The following PPP2R2C variants were observed in gnomAD, a reference collection of about 807,000 sequenced individuals.
PPP2R2C encodes protein phosphatase 2 regulatory subunit Bgamma, also known as protein phosphatase 2, regulatory subunit B, gamma.
In PPP2R2C, 10 loss-of-function variants were observed where a neutral mutation model predicts 45.3. That is an observed-to-expected ratio of 0.22 (90% confidence interval 0.14 to 0.37). The LOEUF (loss-of-function observed/expected upper bound fraction) is 0.37. Among genes scored for constraint, PPP2R2C ranks in the 10% least tolerant of loss-of-function variants. The pLI, the probability that PPP2R2C is intolerant of heterozygous loss-of-function variation, is 1.00. For missense variants in PPP2R2C, 308 were observed against 619.7 expected, an observed-to-expected ratio of 0.50 and a Z score of 5.34; for synonymous variants, 257 against 245.4, an observed-to-expected ratio of 1.05 and a Z score of -0.44.
intron 2 of PPP2R2C, among the ~76,000 whole-genome samples, chr4:6,512,545 ATGGTGGTGATGG>A (rs1723678764): frequency 2.4e-5 from 1 of 41,968 alleles, no homozygotes; most frequent in African/African-American, 1.0e-4. Flanking sequence ...GATGGTGGTG[ATGGTGGTGATGG>A]TGGTGGTGGT....
chr4:6,491,666 G>T (rs1477848361), intron 2 of PPP2R2C, among the ~76,000 whole-genome samples: 3 of 152,182 alleles, frequency 2.0e-5, no homozygotes, highest in African/African-American at 4.8e-5. Context: ...GAAGTGATTG[G>T]ATCATGCGGG....
intron 1 of PPP2R2C, among the ~76,000 whole-genome samples, chr4:6,434,347 C>CT (rs1480797052): frequency 3.3e-5 from 3 of 91,852 alleles, no homozygotes; most frequent in African/African-American, 8.1e-5. Flanking sequence ...CTGCGTATTT[C>CT]TTTTTTCTTT....
Position 6,350,123 on chromosome 4 carries a change from A to C in PPP2R2C, c.626-2113T>G, listed in dbSNP as rs1476132842. The C allele has an allele frequency of 4.1e-6, 4 of 985,350 alleles. No homozygotes were observed. The African/African-American group carries it at 5.2e-5, about 13-fold the overall frequency. The allele number at this position is 985,350 out of a possible 1,614,324, so 61.0% of individuals were successfully genotyped here. ...ATCACTGCCTGGCTGGTTTCCCAGG[A>C]AACTACAGTTTTCCAGTATGAAAAG... On this transcript the variant is annotated intron_variant, in intron 5 of 8. Coordinates refer to ENST00000382599, the MANE Select transcript of PPP2R2C (RefSeq NM_020416.4).
chr4:6,362,406 G>T (rs1240773723), intron 5 of PPP2R2C, among the ~76,000 whole-genome samples: 1 of 152,164 alleles, frequency 6.6e-6, no homozygotes, highest in African/African-American at 2.4e-5. Flanking sequence ...AGGGACAGGA[G>T]GCAGGCCAGG....
chr4:6,329,480 C>A lies in PPP2R2C; in HGVS notation c.961-127G>T. Reference sequence around the variant, plus strand: ...CATGGCCCAGCGCAGACCTGCTCATCTCAGCGAGGGTCTGAATGCTCTGAC... The same window carrying A: ...CATGGCCCAGCGCAGACCTGCTCATATCAGCGAGGGTCTGAATGCTCTGAC... On this transcript the variant is annotated intron_variant, in intron 7 of 8. Coordinates refer to ENST00000382599, the MANE Select transcript of PPP2R2C (RefSeq NM_020416.4). The surrounding 1 kb of genome is among the most constrained non-coding windows in gnomAD (Gnocchi z 5.8). 1.3e-6 allele frequency: 1 copy of A among 771,618 alleles called. No individual in the cohort carries two copies. The highest frequency in any genetic ancestry group is 2.2e-6 in the Non-Finnish European group (1 of 449,474). The allele number at this position is 771,618 out of a possible 1,614,324, so 47.8% of individuals were successfully genotyped here. A position where few individuals can be genotyped will look rare whatever the true frequency, so the allele number is the denominator to read the frequency against.
chr4:6,529,671 T>A (rs983351386), intron 2 of PPP2R2C, among the ~76,000 whole-genome samples: 2 of 152,148 alleles, frequency 1.3e-5, no homozygotes, highest in African/African-American at 4.8e-5. Flanking sequence ...AGAGGGAAAA[T>A]TGGCGAGGCT....
intron 1 of PPP2R2C, among the ~76,000 whole-genome samples, chr4:6,397,296 C>G (rs1717102952): frequency 6.6e-6 from 1 of 152,250 alleles, no homozygotes; most frequent in Admixed American, 6.5e-5. Context: ...CCAGGCACCC[C>G]TGCTGCTTCT....
intron 1 of PPP2R2C, among the ~76,000 whole-genome samples, chr4:6,416,289 A>ACT (rs1284110294): frequency 6.6e-6 from 1 of 151,898 alleles, no homozygotes; most frequent in African/African-American, 2.4e-5. Flanking sequence ...CCATTTTACA[A>ACT]CAGAGAAAAC....
At chr4:6,528,840 C>T (rs1246497025) in intron 2 of PPP2R2C, among the ~76,000 whole-genome samples, 1 of 152,166 alleles carries the variant, frequency 6.6e-6, no homozygotes, top group East Asian at 1.9e-4. Flanking sequence ...CGCCAGAGAA[C>T]AACCCCCTTT....
chr4:6,484,263 C>G (rs1722462976), intron 2 of PPP2R2C, among the ~76,000 whole-genome samples: 2 of 151,994 alleles, frequency 1.3e-5, no homozygotes, highest in South Asian at 4.1e-4. Context: ...ATTTGAGTCT[C>G]TATTCAAAAT....
At position 6,381,185 on chromosome 4, in the gene PPP2R2C, C is replaced by T. The variant is rs750272778; in HGVS notation, c.71-91G>A. The T allele has an allele frequency of 1.7e-5, 26 of 1,547,418 alleles. 1 individual carries two copies. In the Middle Eastern group the frequency reaches 1.5e-3, roughly 89 times the overall value. On this transcript the variant is annotated intron_variant, in intron 1 of 8. Transcript: ENST00000382599. ...AGTGCCACAGCAATGGCGAGCTCCC[C>T]GCTCCCCGAGGCCCCACAGCCCTGG...
intron 6 of PPP2R2C, among the ~76,000 whole-genome samples, chr4:6,336,425 C>A (rs1423601091): frequency 2.0e-5 from 3 of 152,056 alleles, no homozygotes; most frequent in Non-Finnish European, 4.4e-5. Context: ...CCGAGCCCCT[C>A]GTGTGGCCTT....
intron 1 of PPP2R2C, among the ~76,000 whole-genome samples, chr4:6,396,732 AG>A (rs1717058855): frequency 6.6e-6 from 1 of 152,246 alleles, no homozygotes; most frequent in Non-Finnish European, 1.5e-5. Flanking sequence ...AGGCAGAGCC[AG>A]GGGTTTGCCA....
chr4:6,538,932 T>A (rs183493910), intron 1 of PPP2R2C, among the ~76,000 whole-genome samples: 1 of 152,192 alleles, frequency 6.6e-6, no homozygotes, highest in Non-Finnish European at 1.5e-5. Context: ...CGTTACACAG[T>A]GAGTGATTTA....
rs28599721 is a variant in PPP2R2C, at chr4:6,392,684, C to G, written c.71-11590G>C. 4.8e-3 allele frequency among the ~76,000 whole-genome samples: 726 copies of G among 152,322 alleles called. 4 individuals carry two copies. The highest frequency in any genetic ancestry group is 0.017 in the African/African-American group (702 of 41,588). On this transcript the variant is annotated intron_variant, in intron 1 of 8. Coordinates refer to ENST00000382599, the MANE Select transcript of PPP2R2C (RefSeq NM_020416.4). ...TCAGAGAGGTGGGCTGGGCCGGGGT[C>G]CTGCACCCAGCAGGCCGGGAGAGGC...
At chr4:6,506,568 T>C (rs1466747327) in intron 2 of PPP2R2C, among the ~76,000 whole-genome samples, 2 of 152,268 alleles carry the variant, frequency 1.3e-5, no homozygotes, top group East Asian at 1.9e-4. Context: ...GTCATGAAAA[T>C]ATCCAGGGAA....
chr4:6,540,248 C>T (rs1724766183), intron 1 of PPP2R2C, among the ~76,000 whole-genome samples: 2 of 152,216 alleles, frequency 1.3e-5, no homozygotes, highest in South Asian at 4.1e-4. Context: ...CTGGTAACCA[C>T]TAATCTGCTT....
At position 6,368,902 on chromosome 4, in the gene PPP2R2C, C is replaced by T. The variant is rs1169171650; in HGVS notation, c.625+3621G>A. ...CCTGTTTACAGTACATCAATAGCTT[C>T]ATAGTTTCCCGTTCCCTGGAAGCAG... On this transcript the variant is annotated intron_variant, in intron 5 of 8. Transcript: ENST00000382599. The surrounding 1 kb of genome is among the most constrained non-coding windows in gnomAD (Gnocchi z 4.2). Among the ~76,000 whole-genome samples, 1 of 152,202 alleles carries T rather than the reference C, an allele frequency of 6.6e-6. No individual in the cohort carries two copies. The highest frequency in any genetic ancestry group is 1.5e-5 in the Non-Finnish European group (1 of 68,040).
intron 5 of PPP2R2C, among the ~76,000 whole-genome samples, chr4:6,370,108 C>T (rs967677361): frequency 9.2e-5 from 14 of 152,196 alleles, no homozygotes; most frequent in Non-Finnish European, 1.9e-4. Context: ...AGCAGGTGCT[C>T]GAGAAGGGTG....
Sources: allele counts gnomAD v4.1 joint callset (sites outside exome capture counted in the v4.1 genomes callset), GRCh38; gene constraint gnomAD v4.1.1; non-coding constraint Gnocchi (gnomAD v3.1); transcripts MANE v1.5; gene names NCBI Gene and HGNC (gene_info 2026-07-23, HGNC 2026-07-21).